PRKCB: variants seen among roughly 807,000 people sequenced by gnomAD.
PRKCB encodes protein kinase C beta, also known as protein kinase C beta type.
PRKCB carries 13 observed loss-of-function variants against 81.5 expected under a neutral mutation model. The observed-to-expected ratio is 0.16, with a 90% confidence interval of 0.10 to 0.25. PRKCB has a LOEUF of 0.25. PRKCB is among the 10% of genes least tolerant of loss of function. The pLI is 1.00. For synonymous variants in PRKCB, 335 were observed against 321.4 expected (o/e 1.04, Z -0.45); for missense variants, 509 against 875.7 (o/e 0.58, Z 5.29).
chr16:24,160,876 G>C (rs563995530), intron 10 of PRKCB, among the ~76,000 whole-genome samples: 7 of 152,286 alleles, frequency 4.6e-5, no homozygotes, highest in African/African-American at 1.7e-4. Flanking sequence ...GTTCCAGGCA[G>C]CAGGAAGAGT....
chr16:24,096,705 A>ATATATATATATC, intron 7 of PRKCB, among the ~76,000 whole-genome samples: 1 of 138,398 alleles, frequency 7.2e-6, no homozygotes, highest in Middle Eastern at 4.0e-3. Flanking sequence ...ATATATATAT[A>ATATATATATATC]TCCTCCAATG....
chr16:23,971,793 G>C (rs2141803069), intron 2 of PRKCB, among the ~76,000 whole-genome samples: 1 of 152,160 alleles, frequency 6.6e-6, no homozygotes, highest in East Asian at 1.9e-4. Context: ...CATATTATAA[G>C]ATAATGTGTT....
chr16:23,844,830 C>G (rs1349700400), intron 2 of PRKCB, among the ~76,000 whole-genome samples: 1 of 151,608 alleles, frequency 6.6e-6, no homozygotes, highest in Non-Finnish European at 1.5e-5. Context: ...TAGACAAACT[C>G]TCACTCTTTC....
intron 9 of PRKCB, among the ~76,000 whole-genome samples, chr16:24,125,362 C>T (rs1966841486): frequency 6.6e-6 from 1 of 152,206 alleles, no homozygotes; most frequent in Admixed American, 6.5e-5. Context: ...TCCTCCCCAT[C>T]ACCCACTGTG....
chr16:23,871,745 T>C (rs1962908320), intron 2 of PRKCB, among the ~76,000 whole-genome samples: 1 of 152,084 alleles, frequency 6.6e-6, no homozygotes. Flanking sequence ...GCCTGGCTAA[T>C]TTTTGTATTT....
At chr16:23,976,529 G>T (rs1165774809) in intron 2 of PRKCB, among the ~76,000 whole-genome samples, 2 of 152,164 alleles carry the variant, frequency 1.3e-5, no homozygotes, top group Non-Finnish European at 2.9e-5. Context: ...AGCCTTAGCT[G>T]GCCCACACAA....
chr16:23,882,014 CTT>C (rs1963123189), intron 2 of PRKCB, among the ~76,000 whole-genome samples: 3 of 101,496 alleles, frequency 3.0e-5, no homozygotes, highest in African/African-American at 4.1e-5. Context: ...TTCTTTCTTT[CTT>C]TCTTTCTTCC....
intron 2 of PRKCB, among the ~76,000 whole-genome samples, chr16:23,871,301 T>G (rs1024712504): frequency 2.0e-5 from 3 of 152,174 alleles, no homozygotes; most frequent in African/African-American, 7.2e-5. Flanking sequence ...ATGGGCTGAA[T>G]CATAGTCATC....
chr16:23,902,629 C>G (rs1319264808), intron 2 of PRKCB, among the ~76,000 whole-genome samples: 1 of 152,144 alleles, frequency 6.6e-6, no homozygotes, highest in Non-Finnish European at 1.5e-5. Context: ...CAGTCTCTCA[C>G]CCCTCACCAT....
chr16:23,936,958 G>A (rs1964069465), intron 2 of PRKCB, among the ~76,000 whole-genome samples: 1 of 152,174 alleles, frequency 6.6e-6, no homozygotes, highest in South Asian at 2.1e-4. Flanking sequence ...ATTTCACGAA[G>A]GCATCACATT....
At chr16:24,106,123 CA>C (rs35714405) in intron 7 of PRKCB, among the ~76,000 whole-genome samples, 102,074 of 150,802 alleles carry the variant, frequency 0.68, 34,694 homozygotes, top group Middle Eastern at 0.73. Context: ...AAACAAAAAA[CA>C]AAAAAAACTA....
At chr16:23,990,440 AGAGT>A (rs776710189) in intron 3 of PRKCB, among the ~76,000 whole-genome samples, 9 of 151,486 alleles carry the variant, frequency 5.9e-5, no homozygotes, top group Admixed American at 2.6e-4. Flanking sequence ...CCTGGGCGAC[AGAGT>A]GAGACTCTGT....
At chr16:23,879,933 C>G (rs1174901238) in intron 2 of PRKCB, among the ~76,000 whole-genome samples, 1 of 152,144 alleles carries the variant, frequency 6.6e-6, no homozygotes, top group African/African-American at 2.4e-5. Context: ...CTCTCTGTGC[C>G]TCAGTTTTCT....
intron 2 of PRKCB, among the ~76,000 whole-genome samples, chr16:23,981,138 CA>C (rs1271952900): frequency 6.6e-6 from 1 of 152,158 alleles, no homozygotes; most frequent in Non-Finnish European, 1.5e-5. Context: ...ACATTCTGAA[CA>C]GCAGGTCTTC....
At chr16:24,176,524 C>T (rs146021367) in intron 12 of PRKCB, among the ~76,000 whole-genome samples, 12 of 152,348 alleles carry the variant, frequency 7.9e-5, no homozygotes, top group Non-Finnish European at 1.2e-4. Context: ...TGGAAATCCT[C>T]TAATTCCCTT....
chr16:23,847,160 T>A (rs545072238), intron 2 of PRKCB, among the ~76,000 whole-genome samples: 1 of 152,300 alleles, frequency 6.6e-6, no homozygotes, highest in South Asian at 2.1e-4. Context: ...TTCTTTTTTC[T>A]TTCATCTTGC....
At chr16:23,880,344 C>T (rs1963086196) in intron 2 of PRKCB, among the ~76,000 whole-genome samples, 1 of 152,206 alleles carries the variant, frequency 6.6e-6, no homozygotes, top group African/African-American at 2.4e-5. Flanking sequence ...CACACTAGCA[C>T]CTGAAAGAGG....
chr16:24,213,772 G>A (rs540637294), intron 16 of PRKCB, among the ~76,000 whole-genome samples: 6 of 152,328 alleles, frequency 3.9e-5, no homozygotes, highest in Admixed American at 6.5e-5. Context: ...AGCATGTACA[G>A]GTGTGAGCAC....
intron 12 of PRKCB, among the ~76,000 whole-genome samples, chr16:24,175,087 T>C (rs546003761): frequency 1.3e-5 from 2 of 152,214 alleles, no homozygotes; most frequent in Non-Finnish European, 2.9e-5. Context: ...AGCAAATGGA[T>C]GATCATAGCT....
Sources: allele counts gnomAD v4.1 joint callset (sites outside exome capture counted in the v4.1 genomes callset), GRCh38; gene constraint gnomAD v4.1.1; transcripts MANE v1.5; gene names NCBI Gene and HGNC (gene_info 2026-07-23, HGNC 2026-07-21).